Variants in JPH3 observed in about 807,000 individuals in gnomAD.
JPH3 encodes junctophilin-3.
In JPH3, 11 loss-of-function variants were observed where a neutral mutation model predicts 59.6. That is an observed-to-expected ratio of 0.18 (90% CI 0.12 to 0.31). The LOEUF (loss-of-function observed/expected upper bound fraction) is 0.31, where lower values mean the gene tolerates loss of function less well. Ranked by LOEUF, JPH3 falls within the 10% of genes least tolerant of loss-of-function variation. The pLI is 1.00. For missense variants in JPH3, 1,202 were observed against 1,105.7 expected (o/e 1.09, Z -1.24); for synonymous variants, 673 against 483.6 (o/e 1.39, Z -5.14).
chr16:87,628,498 C>T (rs775694632), intron 1 of JPH3, among the ~76,000 whole-genome samples: 14 of 152,212 alleles, frequency 9.2e-5, no homozygotes, highest in Non-Finnish European at 1.9e-4. Flanking sequence ...CTCTGTTGCC[C>T]GGTGACAGTA....
rs1160949420 is a variant in JPH3 at position 87,631,648 on chromosome 16, T to C, written c.383-12610T>C. On this transcript the variant is annotated intron_variant, in intron 1 of 4. Coordinates refer to ENST00000284262, the MANE Select transcript of JPH3 (RefSeq NM_020655.4). Reference sequence around the variant, plus strand: ...CACACCCTTCCATTCCAGGAGACTTTCCTGTTTAAATCTTTGCCCATTTTC... The same window carrying C: ...CACACCCTTCCATTCCAGGAGACTTCCCTGTTTAAATCTTTGCCCATTTTC... 1.3e-5 allele frequency among the ~76,000 whole-genome samples: 2 copies of C among 152,158 alleles called. 1 individual carries two copies. The highest frequency in any genetic ancestry group is 2.9e-5 in the Non-Finnish European group (2 of 68,026).
chr16:87,689,452 G>A (rs1322224923), intron 3 of JPH3, among the ~76,000 whole-genome samples, 194 bp from the exon 4 acceptor site: 1 of 152,102 alleles, frequency 6.6e-6, no homozygotes, highest in Non-Finnish European at 1.5e-5. Context: ...CTGTGGGGTG[G>A]GGACCACGGG....
intron 1 of JPH3, chr16:87,604,992 T>TGC (rs201227794): frequency 0.012 from 5,179 of 439,572 alleles, 42 homozygotes; most frequent in Non-Finnish European, 0.015. Context: ...TGTGTGTGTG[T>TGC]GCGCGCGCGT....
chr16:87,677,185 T>TATACACACACACACACACACACACACAC (rs1491266129), intron 2 of JPH3, among the ~76,000 whole-genome samples: 1 of 95,190 alleles, frequency 1.1e-5, no homozygotes, highest in Non-Finnish European at 2.0e-5. Context: ...TATATATATA[T>TATACACACACACACACACACACACACAC]ACACACACAC....
Position 87,603,312 on chromosome 16 carries a change from C to T in JPH3, c.166C>T (p.Pro56Ser). ...GFEVLGVYTWPSGNTYQGTWA... is the reference protein window; with the variant it reads ...GFEVLGVYTWSSGNTYQGTWA... ...CGAGGTGCTGGGCGTCTACACCTGG[C>T]CCAGCGGCAACACGTACCAGGGCAC... Residue 56 changes from proline to serine, a missense_variant, in exon 1 of 5, where the codon CCC becomes TCC. Physicochemically the swap from Pro to Ser is moderately conservative, Grantham distance 74 (BLOSUM62 -1). Transcript: ENST00000284262. 1 of 1,613,284 alleles carries T rather than the reference C, an allele frequency of 6.2e-7. No homozygotes were observed. Among genetic ancestry groups the T allele is most frequent in the Non-Finnish European group, 8.5e-7 (1 of 1,179,826 alleles).
At chr16:87,675,190 C>T in intron 2 of JPH3, among the ~76,000 whole-genome samples, 1 of 139,276 alleles carries the variant, frequency 7.2e-6, no homozygotes, top group South Asian at 2.7e-4. Context: ...CCCCGCCCCT[C>T]CCCCGCCGTT....
intron 2 of JPH3, among the ~76,000 whole-genome samples, chr16:87,655,789 C>T (rs1567601504): frequency 2.0e-5 from 3 of 152,264 alleles, no homozygotes; most frequent in Non-Finnish European, 4.4e-5. Context: ...CCAGTCTGGC[C>T]ATCTCATGGT....
At position 87,684,398 on chromosome 16, in the gene JPH3, G is replaced by A. The variant is rs1028416434; in HGVS notation, c.1285+132G>A. 35 of 1,389,192 alleles carry A rather than the reference G, an allele frequency of 2.5e-5. No homozygotes were observed. In the African/African-American group the frequency reaches 2.6e-4, roughly 10 times the overall value. 86.1% of individuals were successfully genotyped at this position (1,389,192 alleles called of 1,614,324 possible). ...CTCAGCCCCAGCTGCTCCCCTGCCC[G>A]GTGTCTTCCTCTCCCGCCGAAGGTG... is the stretch of plus-strand genomic sequence containing the variant. On this transcript the variant is annotated intron_variant, in intron 3 of 4. Coordinates refer to ENST00000284262, the MANE Select transcript of JPH3 (RefSeq NM_020655.4).
chr16:87,667,808 GTTTGTTTTGTTTTGT>G (rs760804774), intron 2 of JPH3, among the ~76,000 whole-genome samples: 1 of 152,086 alleles, frequency 6.6e-6, no homozygotes, highest in African/African-American at 2.4e-5. Flanking sequence ...GTCTGTTTTT[GTTTGTTTTGTTTTGT>G]TTTGTTTTGT....
chr16:87,638,025 T>G (rs552622719), intron 1 of JPH3, among the ~76,000 whole-genome samples: 65 of 152,280 alleles, frequency 4.3e-4, no homozygotes, highest in Non-Finnish European at 7.9e-4. Flanking sequence ...GTTCAAGCAA[T>G]TCTCCTGCCT....
intron 3 of JPH3, 148 bp from the exon 4 acceptor site, chr16:87,689,498 C>T (rs980319137): frequency 1.2e-6 from 1 of 850,406 alleles, no homozygotes; most frequent in Non-Finnish European, 1.8e-6. Context: ...ACGGTCCCCA[C>T]TCCCCTCCCT....
intron 2 of JPH3, among the ~76,000 whole-genome samples, chr16:87,680,029 T>G (rs77640042): frequency 0.01 from 1,553 of 152,316 alleles, 35 homozygotes; most frequent in African/African-American, 0.035. Context: ...GGGCACCCGT[T>G]GGGGACAGGG....
chr16:87,655,360 ATTTTTTGTGACAGGG>A, intron 2 of JPH3, among the ~76,000 whole-genome samples: 1 of 83,726 alleles, frequency 1.2e-5, no homozygotes, highest in South Asian at 4.5e-4. Context: ...ACAGGGTGTT[ATTTTTTGTGACAGGG>A]TGTTGTTCTG....
intron 4 of JPH3, among the ~76,000 whole-genome samples, chr16:87,691,090 C>CT (rs1555543741): frequency 6.6e-6 from 1 of 151,408 alleles, no homozygotes; most frequent in African/African-American, 2.4e-5. Context: ...CCCAGCACCC[C>CT]CCCCCCAAAT....
At chr16:87,624,681 C>T (rs951537839) in intron 1 of JPH3, among the ~76,000 whole-genome samples, 1 of 152,238 alleles carries the variant, frequency 6.6e-6, no homozygotes, top group Non-Finnish European at 1.5e-5. Flanking sequence ...TGACCATTTG[C>T]GTCCTTTCGT....
intron 2 of JPH3, among the ~76,000 whole-genome samples, chr16:87,668,492 G>T (rs1024410032): frequency 2.2e-4 from 34 of 152,268 alleles, no homozygotes; most frequent in African/African-American, 7.9e-4. Flanking sequence ...GCTTCACTCG[G>T]CATGGCGTGG....
At chr16:87,654,753 A>G (rs934636250) in intron 2 of JPH3, 1 of 152,284 alleles carries the variant, frequency 6.6e-6, no homozygotes, top group Non-Finnish European at 1.5e-5. Context: ...GCTGCGCAGT[A>G]AGCTGCAGGG....
rs374203830 is a variant in JPH3, at chr16:87,644,434, G to A, written c.559G>A (p.Gly187Ser). 1.9e-5 allele frequency: 31 copies of A among 1,611,932 alleles called. No individual in the cohort carries two copies. Among genetic ancestry groups the A allele is most frequent in the Middle Eastern group, 1.6e-4 (1 of 6,078 alleles). ...TCCCGACGCCTCTCCGGCGGTGGCC[G>A]GCAGCCCGGCCGTGTCCCGCGGGGG... The part of the protein sequence containing the change: ...LHPDASPAVA[G>S]SPAVSRGGFV... Residue 187 changes from glycine (G) to serine (S), a missense_variant, in exon 2 of 5, where the codon GGC (glycine) becomes AGC (serine). Transcript: ENST00000284262.
At chr16:87,667,632 G>T (rs2032904916) in intron 2 of JPH3, among the ~76,000 whole-genome samples, 1 of 152,156 alleles carries the variant, frequency 6.6e-6, no homozygotes, top group African/African-American at 2.4e-5. Flanking sequence ...GACAGCGGGG[G>T]GTCTTGGGCA....
Sources: allele counts gnomAD v4.1 joint callset (sites outside exome capture counted in the v4.1 genomes callset), GRCh38; gene constraint gnomAD v4.1.1; transcripts MANE v1.5; gene names NCBI Gene and HGNC (gene_info 2026-07-23, HGNC 2026-07-21).